Variants in GALNT7 observed in about 807,000 individuals in gnomAD.
The protein encoded by GALNT7 is polypeptide N-acetylgalactosaminyltransferase 7.
In GALNT7, 60 loss-of-function variants were observed where a neutral mutation model predicts 82.1. That is an observed-to-expected ratio of 0.73 (90% CI 0.59 to 0.91). GALNT7 has a LOEUF of 0.91. GALNT7 is among the 40% of genes least tolerant of loss of function. The pLI is 0.00. For synonymous variants in GALNT7, 243 were observed against 275.1 expected (o/e 0.88, Z 1.15); for missense variants, 660 against 804.2 (o/e 0.82, Z 2.17).
At position 173,202,536 on chromosome 4, in the gene GALNT7, G is replaced by A. The variant is rs1224138304; in HGVS notation, c.126+33575G>A. Among the ~76,000 whole-genome samples the A allele has an allele frequency of 2.6e-5, 4 of 152,082 alleles. No homozygotes were observed. The East Asian group carries it at 5.8e-4, about 22-fold the overall frequency. ...TAGATAACCCTCTTCACTCTTTTCTGTCTCCTCAATCCTTATCTAGCTGTC... is the reference window on the plus strand; with the variant it reads ...TAGATAACCCTCTTCACTCTTTTCTATCTCCTCAATCCTTATCTAGCTGTC... On this transcript the variant is annotated intron_variant, in intron 1 of 11. Transcript: ENST00000265000.
chr4:173,288,642 G>T (rs1736427921), intron 2 of GALNT7, among the ~76,000 whole-genome samples: 1 of 152,104 alleles, frequency 6.6e-6, no homozygotes, highest in Non-Finnish European at 1.5e-5. Flanking sequence ...ATTGGGCAGT[G>T]CTGAGCTTTC....
At chr4:173,264,939 A>G (rs1298604790) in intron 2 of GALNT7, among the ~76,000 whole-genome samples, 5 of 152,232 alleles carry the variant, frequency 3.3e-5, no homozygotes, top group African/African-American at 9.6e-5. Flanking sequence ...TTGGAAAATA[A>G]TGATAGATGT....
At chr4:173,247,565 C>A (rs969698486) in intron 1 of GALNT7, among the ~76,000 whole-genome samples, 3 of 151,994 alleles carry the variant, frequency 2.0e-5, no homozygotes, top group African/African-American at 4.8e-5. Flanking sequence ...GTGCTACCGA[C>A]AAAAGGTTAT....
rs865797788 is a variant in GALNT7 at position 173,241,851 on chromosome 4, C to T, written c.127-6129C>T. On this transcript the variant is annotated intron_variant, in intron 1 of 11. Transcript: ENST00000265000. The stretch of plus-strand genomic sequence containing the variant: ...GGCTCAAAATGCCCCCTTAGAAACC[C>T]GATAAAATCTTCCCAGTAGGTGGCT... 5.3e-5 allele frequency among the ~76,000 whole-genome samples: 8 copies of T among 152,132 alleles called. No homozygotes were observed. In the East Asian group the frequency reaches 1.2e-3, roughly 22 times the overall value.
intron 11 of GALNT7, 29 bp downstream of exon 11, chr4:173,318,588 T>C (rs1177936360): frequency 2.3e-5 from 32 of 1,383,336 alleles, no homozygotes; most frequent in Non-Finnish European, 3.2e-5. Context: ...TCTGAAATAT[T>C]ATATGCTTTT....
At chr4:173,227,861 T>C (rs1368747692) in intron 1 of GALNT7, among the ~76,000 whole-genome samples, 1 of 152,210 alleles carries the variant, frequency 6.6e-6, no homozygotes, top group African/African-American at 2.4e-5. Flanking sequence ...TTTTAAATGC[T>C]ACCCCAAGTT....
chr4:173,316,827 T>A (rs1288787891), intron 9 of GALNT7: 1 of 152,274 alleles, frequency 6.6e-6, no homozygotes, highest in Non-Finnish European at 1.5e-5. Context: ...GGGGCAGTCT[T>A]TGGAGCTCCT....
intron 1 of GALNT7, among the ~76,000 whole-genome samples, chr4:173,196,427 G>T (rs1043087084): frequency 2.0e-5 from 3 of 152,124 alleles, no homozygotes; most frequent in South Asian, 2.1e-4. Context: ...GCCCGGCCCA[G>T]AATGTATTTT....
chr4:173,182,192 CAT>C (rs950973963), intron 1 of GALNT7, among the ~76,000 whole-genome samples: 4 of 152,054 alleles, frequency 2.6e-5, no homozygotes, highest in African/African-American at 7.2e-5. Context: ...TTAAAAATAA[CAT>C]GTCTTGTGTA....
In GALNT7 at chr4:173,248,121, A is replaced by G; in HGVS notation, c.268A>G (p.Lys90Glu). ...VDLESIRRIN[K>E]AKNEQEHHAG... is the part of the protein sequence containing the mutation. ...CTTAGAGTCTATTAGAAGAATAAAC[A>G]AGGCCAAAAATGAACAAGAGCACCA... is the stretch of plus-strand genomic sequence containing the variant. The change falls in exon 2 of 12, where the codon AAG becomes GAG. Residue 90 changes from lysine to glutamate, a missense_variant. Lys to Glu is a moderately conservative substitution (Grantham distance 56, BLOSUM62 1). Around this residue, in one of 2 missense-constraint regions of GALNT7, gnomAD observed 133 missense variants for 120.7 expected, o/e 1.10. Coordinates refer to ENST00000265000, the MANE Select transcript of GALNT7 (RefSeq NM_017423.3). 1 of 1,613,916 alleles carries G rather than the reference A, an allele frequency of 6.2e-7. No homozygotes were observed. Among genetic ancestry groups the G allele is most frequent in the Non-Finnish European group, 8.5e-7 (1 of 1,179,868 alleles).
At chr4:173,311,586 A>G (rs1737385876) in intron 8 of GALNT7, among the ~76,000 whole-genome samples, 1 of 152,124 alleles carries the variant, frequency 6.6e-6, no homozygotes, top group Non-Finnish European at 1.5e-5. Flanking sequence ...GGTGCTACAC[A>G]CTTTTCACCA....
intron 1 of GALNT7, among the ~76,000 whole-genome samples, chr4:173,187,453 T>A: frequency 6.6e-6 from 1 of 151,536 alleles, no homozygotes; most frequent in South Asian, 2.1e-4. Context: ...ATTTGCAAAA[T>A]TTTTTCACCT....
At chr4:173,299,553 A>G (rs2126842881) in intron 6 of GALNT7, among the ~76,000 whole-genome samples, 1 of 152,306 alleles carries the variant, frequency 6.6e-6, no homozygotes, top group South Asian at 2.1e-4. Context: ...TTTGAAGAAA[A>G]ATAAACCCAG....
At chr4:173,308,680 G>A (rs1312313465) in intron 8 of GALNT7, among the ~76,000 whole-genome samples, 1 of 152,168 alleles carries the variant, frequency 6.6e-6, no homozygotes, top group Non-Finnish European at 1.5e-5. Flanking sequence ...CGAGGTGGGA[G>A]GATCACGAGG....
chr4:173,180,280 G>T, intron 1 of GALNT7, among the ~76,000 whole-genome samples: 1 of 147,950 alleles, frequency 6.8e-6, no homozygotes, highest in African/African-American at 2.5e-5. Context: ...GAAATTATTT[G>T]CCTAGAAAAA....
chr4:173,281,564 G>A (rs1049560637), intron 2 of GALNT7, among the ~76,000 whole-genome samples: 5 of 152,164 alleles, frequency 3.3e-5, no homozygotes, highest in African/African-American at 9.7e-5. Flanking sequence ...CTCCCTGGCT[G>A]CACCCTACAG....
chr4:173,187,139 GA>G (rs967399332), intron 1 of GALNT7, among the ~76,000 whole-genome samples: 15 of 152,058 alleles, frequency 9.9e-5, no homozygotes. Flanking sequence ...AAGCAAGTAA[GA>G]AACAAAATTA....
At chr4:173,280,662 G>GA (rs1237031421) in intron 2 of GALNT7, among the ~76,000 whole-genome samples, 2 of 152,176 alleles carry the variant, frequency 1.3e-5, no homozygotes, top group African/African-American at 4.8e-5. Flanking sequence ...TGGGAAATGA[G>GA]ATACCAAAGA....
intron 2 of GALNT7, among the ~76,000 whole-genome samples, chr4:173,268,514 A>G (rs1266488526): frequency 7.8e-6 from 1 of 128,798 alleles, no homozygotes; most frequent in Non-Finnish European, 1.6e-5. Context: ...CAAATAGGAC[A>G]CTTGTTTTCT....
Sources: allele counts gnomAD v4.1 joint callset (sites outside exome capture counted in the v4.1 genomes callset), GRCh38; gene constraint gnomAD v4.1.1; regional missense constraint gnomAD v4.1.1; transcripts MANE v1.5; gene names NCBI Gene and HGNC (gene_info 2026-07-23, HGNC 2026-07-21).